The following MORC1 variants were observed in gnomAD, a reference collection of about 807,000 sequenced individuals.
MORC1 encodes MORC family CW-type zinc finger 1.
Under a neutral mutation model 134.9 loss-of-function variants are expected in MORC1, and 59 were observed. The observed-to-expected ratio is 0.44, with a 90% CI of 0.35 to 0.54. The LOEUF (loss-of-function observed/expected upper bound fraction) is 0.54. MORC1 is among the 20% of genes least tolerant of loss of function. The probability of loss-of-function intolerance (pLI) is 0.00; values close to 1 mark genes in which losing one functional copy is unlikely to be tolerated. For missense variants in MORC1, 947 were observed against 1,134.5 expected, an observed-to-expected ratio of 0.83 and a Z score of 2.37; for synonymous variants, 395 against 391.7, an observed-to-expected ratio of 1.01 and a Z score of -0.10.
intron 25 of MORC1, among the ~76,000 whole-genome samples, 195 bp from the exon 26 acceptor site, chr3:108,969,917 A>G (rs1272785197): frequency 6.6e-6 from 1 of 152,226 alleles, no homozygotes; most frequent in African/African-American, 2.4e-5. Context: ...CCTTCCAAAA[A>G]AGGATTAAGT....
chr3:108,996,286 G>GCGCGCGCGCACACACACACACACACA lies in MORC1; in HGVS notation c.2187+4270_2187+4271insTGTGTGTGTGTGTGTGTGCGCGCGCG. Among the ~76,000 whole-genome samples, 1,070 of 146,412 alleles carry GCGCGCGCGCACACACACACACACACA rather than the reference G, an allele frequency of 7.3e-3. 6 individuals carry two copies. Among genetic ancestry groups the GCGCGCGCGCACACACACACACACACA allele is most frequent in the Admixed American group, 9.7e-3 (144 of 14,802 alleles). On this transcript the variant is annotated intron_variant, in intron 21 of 27. Transcript: ENST00000232603. Reference sequence around the variant, plus strand: ...CATGTGCGCGTGCGTGCGCGCGCGCGCACACACACACACACACACACAACT... The same window carrying GCGCGCGCGCACACACACACACACACA: ...CATGTGCGCGTGCGTGCGCGCGCGCGCGCGCGCGCACACACACACACACACACACACACACACACACACACACAACT...
chr3:108,995,572 A>G (rs1948178991), intron 21 of MORC1, among the ~76,000 whole-genome samples: 1 of 152,262 alleles, frequency 6.6e-6, no homozygotes, highest in Non-Finnish European at 1.5e-5. Context: ...AATCTTGGAC[A>G]AGAAAAATAC....
At chr3:109,013,858 A>G (rs1388120509) in intron 17 of MORC1, among the ~76,000 whole-genome samples, 1 of 151,980 alleles carries the variant, frequency 6.6e-6, no homozygotes, top group Non-Finnish European at 1.5e-5. Context: ...GCCAATTATT[A>G]CAGGATTTGA....
chr3:109,084,154 C>T (rs2107739749), intron 8 of MORC1, among the ~76,000 whole-genome samples: 1 of 152,164 alleles, frequency 6.6e-6, no homozygotes, highest in South Asian at 2.1e-4. Context: ...AAGTTCTGGT[C>T]ATAGCAATTA....
In MORC1 at chr3:109,040,427, G is replaced by GGAAAGAAAGAAA. The variant is rs1214249386; in HGVS notation, c.1331-4971_1331-4960dup. Among the ~76,000 whole-genome samples the GGAAAGAAAGAAA allele has an allele frequency of 1.0e-3, 49 of 48,398 alleles. 2 individuals are homozygous for GGAAAGAAAGAAA. Among genetic ancestry groups the GGAAAGAAAGAAA allele is most frequent in the African/African-American group, 2.8e-3 (42 of 15,200 alleles). 31.8% of individuals were successfully genotyped at this position (48,398 alleles called of 152,430 possible). On this transcript the variant is annotated intron_variant, in intron 14 of 27. Transcript: ENST00000232603. ...GAGAAGGAAGGAAGGAAGGAAGGAA[G>GGAAAGAAAGAAA]GAAAGAAAGAAAGAAAGAAAGAAAG...
intron 16 of MORC1, 122 bp from the exon 17 acceptor site, chr3:109,028,011 G>A: frequency 9.4e-7 from 1 of 1,060,452 alleles, no homozygotes; most frequent in Non-Finnish European, 1.3e-6. Flanking sequence ...AATTCAAATA[G>A]GAAGGAAAAG....
intron 11 of MORC1, among the ~76,000 whole-genome samples, chr3:109,060,262 G>GA (rs35431327): frequency 0.13 from 18,494 of 144,936 alleles, 1,183 homozygotes; most frequent in Non-Finnish European, 0.14. Flanking sequence ...GTTTTTGCAG[G>GA]AAAAAAAAAA....
intron 4 of MORC1, among the ~76,000 whole-genome samples, chr3:109,101,997 A>G (rs996202074): frequency 2.6e-5 from 4 of 152,260 alleles, no homozygotes; most frequent in Non-Finnish European, 5.9e-5. Flanking sequence ...ACCACTGAAC[A>G]GGCCAGGCAT....
intron 21 of MORC1, among the ~76,000 whole-genome samples, chr3:108,992,165 C>A (rs1035077523): frequency 2.0e-5 from 3 of 152,062 alleles, no homozygotes; most frequent in African/African-American, 7.2e-5. Flanking sequence ...CTAAGTTATC[C>A]AGACACAATT....
intron 8 of MORC1, among the ~76,000 whole-genome samples, chr3:109,080,550 T>C (rs8180075): frequency 0.88 from 134,062 of 152,188 alleles, 59,130 homozygotes; most frequent in East Asian, 0.93. Flanking sequence ...CTATGATATA[T>C]TATGATGTTA....
At chr3:109,077,568 A>G in intron 8 of MORC1, among the ~76,000 whole-genome samples, 1 of 152,154 alleles carries the variant, frequency 6.6e-6, no homozygotes, top group East Asian at 1.9e-4. Flanking sequence ...AAAGTATATA[A>G]TGGAGCAACT....
At chr3:109,090,539 G>C (rs1950697227) in intron 8 of MORC1, among the ~76,000 whole-genome samples, 1 of 143,698 alleles carries the variant, frequency 7.0e-6, no homozygotes, top group South Asian at 2.2e-4. Flanking sequence ...AGAATCATTT[G>C]AACCCAGGAG....
chr3:109,103,759 T>A (rs1181091432), intron 4 of MORC1, 90 bp downstream of exon 4: 2 of 1,248,278 alleles, frequency 1.6e-6, no homozygotes, highest in Middle Eastern at 1.9e-4. Flanking sequence ...TCCATACCTG[T>A]TTTTGCATAG....
At chr3:109,019,039 T>A (rs1015900034) in intron 17 of MORC1, 16 of 152,302 alleles carry the variant, frequency 1.1e-4, no homozygotes, top group African/African-American at 3.6e-4. Flanking sequence ...CGCCTCCTCG[T>A]GGTTTCCTGT....
Position 108,971,484 on chromosome 3 carries a change from C to T in MORC1, c.2478-82G>A, listed in dbSNP as rs534858357. 2.5e-6 allele frequency: 3 copies of T among 1,205,992 alleles called. No individual in the cohort carries two copies. The African/African-American group carries it at 4.6e-5, about 19-fold the overall frequency. 74.7% of individuals were successfully genotyped at this position (1,205,992 alleles called of 1,614,324 possible). A position where few individuals can be genotyped will look rare whatever the true frequency, so the allele number is the denominator to read the frequency against. On this transcript the variant is annotated intron_variant, in intron 24 of 27. Transcript: ENST00000232603. ...CAACTGTCAGAACTGGGTTTGTCTCCTGGGTATTAAATATCCTGGCAAAGA... is the reference window on the plus strand; with the variant it reads ...CAACTGTCAGAACTGGGTTTGTCTCTTGGGTATTAAATATCCTGGCAAAGA...
At chr3:109,022,251 T>C (rs978201388) in intron 17 of MORC1, among the ~76,000 whole-genome samples, 2 of 152,202 alleles carry the variant, frequency 1.3e-5, no homozygotes, top group Non-Finnish European at 2.9e-5. Flanking sequence ...TTATAGAGAT[T>C]TGAAACCTCA....
intron 14 of MORC1, 99 bp downstream of exon 14, chr3:109,054,629 T>C (rs1240886109): frequency 8.9e-7 from 1 of 1,120,640 alleles, no homozygotes. Flanking sequence ...GAGTTTTCAG[T>C]TGCTGGTAAT....
chr3:109,084,443 G>A (rs1027366817), intron 8 of MORC1, among the ~76,000 whole-genome samples: 10 of 151,958 alleles, frequency 6.6e-5, no homozygotes, highest in Admixed American at 3.9e-4. Flanking sequence ...AGTCAATTTA[G>A]CCAAAGAAGT....
At chr3:109,048,460 A>G (rs767987901) in intron 14 of MORC1, among the ~76,000 whole-genome samples, 1 of 152,182 alleles carries the variant, frequency 6.6e-6, no homozygotes. Flanking sequence ...TTCACCTACA[A>G]GTTGATCACT....
Sources: allele counts gnomAD v4.1 joint callset (sites outside exome capture counted in the v4.1 genomes callset), GRCh38; gene constraint gnomAD v4.1.1; transcripts MANE v1.5; gene names NCBI Gene and HGNC (gene_info 2026-07-23, HGNC 2026-07-21).